Variants in THADA observed in about 807,000 individuals in gnomAD.
The protein encoded by THADA is tRNA (32-2'-O)-methyltransferase regulator THADA.
Under a neutral mutation model 219.8 loss-of-function variants are expected in THADA, and 213 were observed. The observed-to-expected ratio is 0.97, with a 90% confidence interval of 0.87 to 1.09. The LOEUF (loss-of-function observed/expected upper bound fraction) is 1.09. Ranked by LOEUF, THADA falls within the 50% of genes least tolerant of loss-of-function variation. The pLI is 0.00. For missense variants in THADA, 2,956 were observed against 2,311.3 expected (o/e 1.28, Z -5.72); for synonymous variants, 1,018 against 828.9 (o/e 1.23, Z -3.92).
chr2:43,511,748 T>G (rs1226592706), intron 22 of THADA, among the ~76,000 whole-genome samples: 12 of 152,206 alleles, frequency 7.9e-5, no homozygotes. Context: ...AAATACTGCA[T>G]CTCACGAGGA....
At chr2:43,255,511 G>A (rs1670215063) in intron 36 of THADA, among the ~76,000 whole-genome samples, 1 of 152,146 alleles carries the variant, frequency 6.6e-6, no homozygotes, top group Admixed American at 6.6e-5. Context: ...TGGTGCTGCT[G>A]TGAAGGTGAA....
chr2:43,499,027 A>C, intron 24 of THADA, 72 bp from the exon 25 acceptor site: 1 of 1,444,180 alleles, frequency 6.9e-7, no homozygotes. Flanking sequence ...CATATCCAAT[A>C]GTACAGCTTC....
intron 30 of THADA, 90 bp from the exon 31 acceptor site, chr2:43,320,630 A>G (rs1291551131): frequency 4.6e-6 from 4 of 870,310 alleles, no homozygotes; most frequent in African/African-American, 1.7e-5. Flanking sequence ...TTTCTATGGT[A>G]TATGATGGGG....
At chr2:43,470,658 TTGAG>T (rs1355980801) in intron 26 of THADA, among the ~76,000 whole-genome samples, 2 of 152,142 alleles carry the variant, frequency 1.3e-5, no homozygotes, top group African/African-American at 4.8e-5. Context: ...AAAATTGTAT[TTGAG>T]TGACAAGAAT....
intron 29 of THADA, among the ~76,000 whole-genome samples, chr2:43,381,918 G>A (rs1462419105): frequency 6.6e-6 from 1 of 152,098 alleles, no homozygotes; most frequent in African/African-American, 2.4e-5. Flanking sequence ...GTGATAGCAT[G>A]TACCCTGGAT....
In THADA at chr2:43,475,338, G is replaced by A. The variant is rs532161265; in HGVS notation, c.3836+9896C>T. Among the ~76,000 whole-genome samples the A allele has an allele frequency of 2.0e-5, 3 of 150,238 alleles. No homozygotes were observed. In the East Asian group the frequency reaches 5.9e-4, roughly 30 times the overall value. ...GGTTGAGGCGGCGGGAGGATGGCTTGAGCCCAGCAGGCAGAGGTTGCAGTG... is the reference window on the plus strand; with the variant it reads ...GGTTGAGGCGGCGGGAGGATGGCTTAAGCCCAGCAGGCAGAGGTTGCAGTG... On this transcript the variant is annotated intron_variant, in intron 26 of 37. Transcript: ENST00000405975.
chr2:43,398,078 C>A lies in THADA; in HGVS notation c.4120G>T (p.Val1374Phe), dbSNP rs1342122485. 2 of 1,613,848 alleles carry A rather than the reference C, an allele frequency of 1.2e-6. No individual in the cohort carries two copies. Among genetic ancestry groups the A allele is most frequent in the Non-Finnish European group, 1.7e-6 (2 of 1,179,866 alleles). Reference sequence around the variant, plus strand: ...GTATTAGGAATGTGATCTATCATAACAAATGGGACCAAGGCACGAGCTGCC... The same window carrying A: ...GTATTAGGAATGTGATCTATCATAAAAAATGGGACCAAGGCACGAGCTGCC... Reference protein sequence around the residue: ...EMAARALVPFVMIDHIPNTIR... With the variant: ...EMAARALVPFFMIDHIPNTIR... Residue 1374 changes from valine (V) to phenylalanine (F), a missense_variant, in exon 29 of 38, where the codon GTT becomes TTT. Val to Phe is a conservative substitution (Grantham distance 50). Transcript: ENST00000405975.
rs562287940 is a variant in THADA, at chr2:43,385,756, T to C, written c.4227+12215A>G. 1.1e-3 allele frequency among the ~76,000 whole-genome samples: 170 copies of C among 151,982 alleles called. 1 individual carries two copies. Among genetic ancestry groups the C allele is most frequent in the African/African-American group, 4.0e-3 (166 of 41,476 alleles). On this transcript the variant is annotated intron_variant, in intron 29 of 37. Transcript: ENST00000405975. ...TAAGAAAAAAGTGTCAAACAGCACA[T>C]GTAAGATGTTAATTATACTGATCTC...
At chr2:43,580,632 T>G (rs1404063067) in intron 8 of THADA, among the ~76,000 whole-genome samples, 1 of 151,702 alleles carries the variant, frequency 6.6e-6, no homozygotes, top group Non-Finnish European at 1.5e-5. Flanking sequence ...TGAGCCACTT[T>G]GGGAGGCCAA....
chr2:43,257,680 G>C (rs575473831), intron 36 of THADA, among the ~76,000 whole-genome samples: 1 of 152,240 alleles, frequency 6.6e-6, no homozygotes, highest in East Asian at 1.9e-4. Flanking sequence ...ATGAATTTAA[G>C]GCCACCTATC....
At chr2:43,566,378 TAAAG>T (rs1042993037) in intron 15 of THADA, 9 of 628,882 alleles carry the variant, frequency 1.4e-5, no homozygotes, top group Non-Finnish European at 2.6e-5. Context: ...TTTTAAAACT[TAAAG>T]AACAGATTGG....
chr2:43,364,894 A>T (rs917314275), intron 29 of THADA, among the ~76,000 whole-genome samples: 1 of 151,696 alleles, frequency 6.6e-6, no homozygotes, highest in Admixed American at 6.6e-5. Context: ...AGAGATTTAG[A>T]TTATTGTAAT....
In THADA at chr2:43,296,985, T is replaced by C. The variant is rs1215259758; in HGVS notation, c.4439-3772A>G. On this transcript the variant is annotated intron_variant, in intron 31 of 37. Transcript: ENST00000405975. ...CCCCGTCTGGGAAGTGAGGAGTGTC[T>C]CTGCCTGGCCGCCCATCGTCTGGGA... Among the ~76,000 whole-genome samples, 232 of 101,178 alleles carry C rather than the reference T, an allele frequency of 2.3e-3. 2 individuals carry two copies. Among genetic ancestry groups the C allele is most frequent in the Non-Finnish European group, 3.4e-3 (176 of 51,652 alleles). The allele number at this position is 101,178 out of a possible 152,430, so 66.4% of individuals were successfully genotyped here. A position where few individuals can be genotyped will look rare whatever the true frequency, so the allele number is the denominator to read the frequency against.
chr2:43,340,831 C>G (rs558823991), intron 30 of THADA, among the ~76,000 whole-genome samples: 2 of 152,222 alleles, frequency 1.3e-5, no homozygotes, highest in Admixed American at 6.5e-5. Context: ...GGGGTCTGTT[C>G]TGAGAAGGGA....
At chr2:43,335,413 C>A (rs1666302570) in intron 30 of THADA, among the ~76,000 whole-genome samples, 2 of 152,160 alleles carry the variant, frequency 1.3e-5, no homozygotes, top group Admixed American at 6.5e-5. Flanking sequence ...CCTCTGTGGG[C>A]TGTAGTACTC....
In THADA at chr2:43,250,345, T is replaced by C. The variant is rs1572772829; in HGVS notation, c.5297-17463A>G. ...AATCCATTTATATGAAAAAACTTAA[T>C]AGGAAAAGTCACGGAGACAGAAAGC... On this transcript the variant is annotated intron_variant, in intron 36 of 37. Coordinates refer to ENST00000405975, the MANE Select transcript of THADA (RefSeq NM_022065.5). 4.6e-5 allele frequency among the ~76,000 whole-genome samples: 7 copies of C among 152,158 alleles called. No individual in the cohort carries two copies. The South Asian group carries it at 1.5e-3, about 32-fold the overall frequency.
chr2:43,274,287 C>T (rs1672466196), intron 36 of THADA, among the ~76,000 whole-genome samples: 2 of 152,202 alleles, frequency 1.3e-5, no homozygotes, highest in Admixed American at 1.3e-4. Flanking sequence ...AGCAAGACTG[C>T]CACCCTAGTT....
Position 43,326,165 on chromosome 2 carries a change from CAAAAA to C in THADA, c.4344-5630_4344-5626del, listed in dbSNP as rs57917515. ...GCTGTTTCTTGTTGTCAATGTCTGT[CAAAAA>C]AAAAAAAAAAAAAACACTTGAAAGC... On this transcript the variant is annotated intron_variant, in intron 30 of 37. Coordinates refer to ENST00000405975, the MANE Select transcript of THADA (RefSeq NM_022065.5). Among the ~76,000 whole-genome samples the C allele has an allele frequency of 8.1e-5, 9 of 111,134 alleles. No homozygotes were observed. The South Asian group carries it at 2.0e-3, about 25-fold the overall frequency. 72.9% of individuals were successfully genotyped at this position (111,134 alleles called of 152,430 possible). A position where few individuals can be genotyped will look rare whatever the true frequency, so the allele number is the denominator to read the frequency against.
At chr2:43,395,587 T>G (rs185102052) in intron 29 of THADA, among the ~76,000 whole-genome samples, 1 of 152,296 alleles carries the variant, frequency 6.6e-6, no homozygotes, top group East Asian at 1.9e-4. Context: ...ACAAGACAAA[T>G]TATTTTCAAG....
Sources: allele counts gnomAD v4.1 joint callset (sites outside exome capture counted in the v4.1 genomes callset), GRCh38; gene constraint gnomAD v4.1.1; transcripts MANE v1.5; gene names NCBI Gene and HGNC (gene_info 2026-07-23, HGNC 2026-07-21).